Variants in URI1 observed in about 807,000 individuals in gnomAD.
URI1 encodes unconventional prefoldin RPB5 interactor 1.
A neutral mutation model predicts 60.2 loss-of-function variants in URI1; 39 were observed. That is an observed-to-expected ratio of 0.65 (90% CI 0.50 to 0.85). URI1 has a LOEUF of 0.85. Among genes scored for constraint, URI1 ranks in the 40% least tolerant of loss-of-function variants. URI1 has a pLI of 0.00. For missense variants in URI1, 691 were observed against 665.9 expected (o/e 1.04, Z -0.42); for synonymous variants, 251 against 236.8 (o/e 1.06, Z -0.55).
intron 1 of URI1, among the ~76,000 whole-genome samples, chr19:29,934,833 G>A (rs2054955310): frequency 6.6e-6 from 1 of 151,956 alleles, no homozygotes; most frequent in Non-Finnish European, 1.5e-5. Context: ...GGTAGCATAA[G>A]TGCTGGGATT....
Position 29,942,622 on chromosome 19 carries a change from G to C in URI1, c.75G>C (p.Leu25Phe). 6.9e-7 allele frequency: 1 copy of C among 1,444,310 alleles called. No individual in the cohort carries two copies. The highest frequency in any genetic ancestry group is 1.3e-5 in the South Asian group (1 of 74,372). The allele number at this position is 1,444,310 out of a possible 1,614,324, so 89.5% of individuals were successfully genotyped here. The change falls in exon 1 of 11, where the codon TTG becomes TTC. Residue 25 changes from leucine (L) to phenylalanine (F), a missense_variant. Leu to Phe is a conservative substitution (Grantham distance 22, BLOSUM62 0). Transcript: ENST00000392271. Reference sequence around the variant, plus strand: ...CCCCGGCCCCTGCCCTGGTTCCGTTGCGCGCCCCGGATGTGGCGCGGCTGC... The same window carrying C: ...CCCCGGCCCCTGCCCTGGTTCCGTTCCGCGCCCCGGATGTGGCGCGGCTGC... ...PSAPAPALVP[L>F]RAPDVARLRE...
intron 2 of URI1, among the ~76,000 whole-genome samples, chr19:29,973,022 A>T (rs893257331): frequency 3.0e-4 from 46 of 152,256 alleles, no homozygotes; most frequent in African/African-American, 9.9e-4. Flanking sequence ...GAAGATCTAT[A>T]CATGGTATAT....
Position 29,950,759 on chromosome 19 carries a change from ACT to A in URI1, c.117+8100_117+8101del, listed in dbSNP as rs376216947. ...AGTTTTTCTAAAAATGTCCTTTATA[ACT>A]CTCTTTCAATGCAAGAGCCAATCAG... On this transcript the variant is annotated intron_variant, in intron 1 of 10. Coordinates refer to ENST00000392271, the MANE Select transcript of URI1 (RefSeq NM_003796.3). Among the ~76,000 whole-genome samples the A allele has an allele frequency of 2.8e-4, 43 of 152,110 alleles. 2 individuals are homozygous for A. The East Asian group carries it at 5.8e-3, about 21-fold the overall frequency.
intron 1 of URI1, among the ~76,000 whole-genome samples, chr19:29,948,690 A>C (rs796168531): frequency 9.2e-5 from 14 of 152,358 alleles, no homozygotes; most frequent in African/African-American, 3.4e-4. Context: ...ATCCCAAGGC[A>C]GAAGAATTTT....
chr19:30,015,759 A>G lies in URI1; in HGVS notation c.*690A>G. On this transcript the variant is annotated 3_prime_UTR_variant, in exon 11 of 11. Coordinates refer to ENST00000392271, the MANE Select transcript of URI1 (RefSeq NM_003796.3). Reference sequence around the variant, plus strand: ...TTGAGTACAGATATGTCCTTGATTCATATGTATGCTACATGTATCACACAA... The same window carrying G: ...TTGAGTACAGATATGTCCTTGATTCGTATGTATGCTACATGTATCACACAA... The G allele has an allele frequency of 1.7e-6, 1 of 604,378 alleles. No individual in the cohort carries two copies. Among genetic ancestry groups the G allele is most frequent in the Non-Finnish European group, 2.9e-6 (1 of 349,928 alleles). 37.4% of individuals were successfully genotyped at this position (604,378 alleles called of 1,614,324 possible). A position where few individuals can be genotyped will look rare whatever the true frequency, so the allele number is the denominator to read the frequency against.
At chr19:29,926,112 T>C (rs939278766) in intron 1 of URI1, among the ~76,000 whole-genome samples, 1 of 152,060 alleles carries the variant, frequency 6.6e-6, no homozygotes, top group African/African-American at 2.4e-5. Context: ...TTTCTGTTTT[T>C]ATTTCAATAG....
chr19:29,935,762 CCTTTTCTTTT>C lies in URI1; in HGVS notation c.63+12026_63+12035del, dbSNP rs3049083. 6.1e-3 allele frequency among the ~76,000 whole-genome samples: 858 copies of C among 141,232 alleles called. 11 individuals carry two copies. The highest frequency in any genetic ancestry group is 0.022 in the African/African-American group (812 of 37,484). The allele number at this position is 141,232 out of a possible 152,430, so 92.7% of individuals were successfully genotyped here. On this transcript the variant is annotated intron_variant, in intron 1 of 10. Transcript: ENST00000360605. ...TTCCACTGCCTCTGGGCCTCTGGTT[CCTTTTCTTTT>C]CTTTTCTTTTCTTTTCTCTTTTCTT...
intron 3 of URI1, among the ~76,000 whole-genome samples, chr19:29,985,780 CT>C (rs1261528999): frequency 1.3e-5 from 2 of 152,042 alleles, no homozygotes; most frequent in Non-Finnish European, 2.9e-5. Context: ...CATGAATGTT[CT>C]TTCTTATGAA....
At chr19:30,000,522 T>C (rs924891576) in intron 4 of URI1, among the ~76,000 whole-genome samples, 3 of 152,040 alleles carry the variant, frequency 2.0e-5, no homozygotes, top group Non-Finnish European at 4.4e-5. Flanking sequence ...CTGCTTCTTA[T>C]TGTTAAGTAG....
chr19:29,969,101 C>T (rs1036879339), intron 1 of URI1, among the ~76,000 whole-genome samples: 1 of 152,166 alleles, frequency 6.6e-6, no homozygotes, highest in African/African-American at 2.4e-5. Context: ...CCAAATGTCA[C>T]TTCTTTAGTT....
At chr19:29,955,987 T>A (rs571466553) in intron 1 of URI1, among the ~76,000 whole-genome samples, 81 of 151,984 alleles carry the variant, frequency 5.3e-4, no homozygotes, top group African/African-American at 1.8e-3. Flanking sequence ...TAGTCTTTTT[T>A]TTTTTTTATT....
intron 1 of URI1, among the ~76,000 whole-genome samples, chr19:29,962,335 A>C (rs1319693082): frequency 6.9e-6 from 1 of 145,940 alleles, no homozygotes; most frequent in East Asian, 2.0e-4. Flanking sequence ...TTTGTGATAC[A>C]TTATTTTTTA....
rs1201127001 is a variant in URI1, at chr19:30,016,331, T to C, written c.*1262T>C. On this transcript the variant is annotated 3_prime_UTR_variant, in exon 11 of 11. Transcript: ENST00000392271. ...GATAATTCAAACCGAGGACTGATTT[T>C]GAAAGATCACCTAAAAATGTAGATT... 6.6e-6 allele frequency: 1 copy of C among 152,162 alleles called. No individual in the cohort carries two copies. Among genetic ancestry groups the C allele is most frequent in the Non-Finnish European group, 1.5e-5 (1 of 67,976 alleles). The allele number at this position is 152,162 out of a possible 1,614,324, so 9.4% of individuals were successfully genotyped here.
intron 6 of URI1, among the ~76,000 whole-genome samples, chr19:30,006,276 G>GTTAA (rs1339957386): frequency 6.6e-6 from 1 of 152,102 alleles, no homozygotes; most frequent in African/African-American, 2.4e-5. Context: ...GTTGTAAAGT[G>GTTAA]TTAACGGTAG....
intron 1 of URI1, among the ~76,000 whole-genome samples, chr19:29,924,371 C>T (rs2054847556): frequency 6.6e-6 from 1 of 152,198 alleles, no homozygotes; most frequent in Non-Finnish European, 1.5e-5. Flanking sequence ...GCCTCCTCCA[C>T]AAGCACAGGC....
At chr19:29,957,668 A>C (rs2055266800) in intron 1 of URI1, among the ~76,000 whole-genome samples, 1 of 152,206 alleles carries the variant, frequency 6.6e-6, no homozygotes, top group African/African-American at 2.4e-5. Flanking sequence ...CTCAAAAAAT[A>C]ACATTACTGG....
At chr19:29,983,005 A>G (rs1466085582) in intron 2 of URI1, among the ~76,000 whole-genome samples, 1 of 152,236 alleles carries the variant, frequency 6.6e-6, no homozygotes, top group East Asian at 1.9e-4. Context: ...TCTGACTTCA[A>G]AGCCATGTTC....
Position 30,009,013 on chromosome 19 carries a change from A to G in URI1, c.695A>G (p.Asp232Gly), listed in dbSNP as rs548314725. The part of the protein sequence containing the change: ...ELLGELDSKP[D>G]TVIANGEDTT... ...ATTTTCTTCCTTGCTAGTAAGCCTG[A>G]TACTGTGATTGCAAATGGAGAAGAT... The change falls in exon 8 of 11, where the codon GAT becomes GGT. Residue 232 changes from aspartate to glycine, a missense_variant. Coordinates refer to ENST00000392271, the MANE Select transcript of URI1 (RefSeq NM_003796.3). 9 of 1,608,378 alleles carry G rather than the reference A, an allele frequency of 5.6e-6. No individual in the cohort carries two copies. In the African/African-American group the frequency reaches 6.7e-5, roughly 12 times the overall value.
chr19:29,957,165 T>C (rs1175536515), intron 1 of URI1, among the ~76,000 whole-genome samples: 1 of 152,158 alleles, frequency 6.6e-6, no homozygotes, highest in Non-Finnish European at 1.5e-5. Context: ...CAAGTTTCTG[T>C]TGACATCTGC....
Sources: allele counts gnomAD v4.1 joint callset (sites outside exome capture counted in the v4.1 genomes callset), GRCh38; gene constraint gnomAD v4.1.1; transcripts MANE v1.5; gene names NCBI Gene and HGNC (gene_info 2026-07-23, HGNC 2026-07-21).